TCF7L1: variants seen among roughly 807,000 people sequenced by gnomAD.
TCF7L1 encodes the protein transcription factor 7 like 1, also known as transcription factor 7-like 1.
A neutral mutation model predicts 63.7 loss-of-function variants in TCF7L1; 18 were observed. That is an observed-to-expected ratio of 0.28 (90% confidence interval 0.20 to 0.42). The LOEUF (loss-of-function observed/expected upper bound fraction) is 0.42, where lower values mean the gene tolerates loss of function less well. TCF7L1 is among the 10% of genes least tolerant of loss of function. The probability of loss-of-function intolerance (pLI) is 1.00; values close to 1 mark genes in which losing one functional copy is unlikely to be tolerated. For missense variants in TCF7L1, 654 were observed against 779.3 expected (o/e 0.84, Z 1.91); for synonymous variants, 355 against 340.9 (o/e 1.04, Z -0.46).
chr2:85,285,244 A>C (rs561821306), intron 4 of TCF7L1, among the ~76,000 whole-genome samples: 6 of 152,236 alleles, frequency 3.9e-5, no homozygotes, highest in East Asian at 3.9e-4. Flanking sequence ...AAAAAAAAAA[A>C]CTGATAATTC....
intron 3 of TCF7L1, among the ~76,000 whole-genome samples, chr2:85,199,478 C>G (rs1679226128): frequency 6.6e-6 from 1 of 152,144 alleles, no homozygotes; most frequent in Non-Finnish European, 1.5e-5. Context: ...AGCTCAAATT[C>G]TAGGGCAGTG....
rs112652021 is a variant in TCF7L1, at chr2:85,218,548, G to T, written c.442-64947G>T. On this transcript the variant is annotated intron_variant, in intron 3 of 11. Coordinates refer to ENST00000282111, the MANE Select transcript of TCF7L1 (RefSeq NM_031283.3). ...TGGGATTACAGGCGTGAGCTACCAC[G>T]CCCAGCGTTATCTGACTTCTAGTGG... is the stretch of plus-strand genomic sequence containing the variant. 3.9e-3 allele frequency among the ~76,000 whole-genome samples: 595 copies of T among 151,674 alleles called. 4 individuals are homozygous for T. Among genetic ancestry groups the T allele is most frequent in the African/African-American group, 0.013 (544 of 41,412 alleles).
Position 85,307,949 on chromosome 2 carries a change from C to T in TCF7L1, c.1333+232C>T, listed in dbSNP as rs1410734438. 2.0e-5 allele frequency among the ~76,000 whole-genome samples: 3 copies of T among 152,192 alleles called. No homozygotes were observed. In the East Asian group the frequency reaches 5.8e-4, roughly 29 times the overall value. The stretch of plus-strand genomic sequence containing the variant: ...AGGATTTGATCCCAGGACTTTGTCA[C>T]TTCAAAGCCTAGACAATCTAATTCC... On this transcript the variant is annotated intron_variant, in intron 11 of 11. Transcript: ENST00000282111.
chr2:85,230,909 T>C (rs1175698307), intron 3 of TCF7L1, among the ~76,000 whole-genome samples: 1 of 152,200 alleles, frequency 6.6e-6, no homozygotes, highest in Admixed American at 6.5e-5. Flanking sequence ...GCTGTTAGTT[T>C]TCCATAAAGG....
At chr2:85,138,446 G>A (rs62162825) in intron 3 of TCF7L1, among the ~76,000 whole-genome samples, 11,628 of 152,146 alleles carry the variant, frequency 0.076, 515 homozygotes, top group Middle Eastern at 0.12. Flanking sequence ...GTATAAACAT[G>A]CTGCTTTTGG....
In TCF7L1 at chr2:85,297,768, A is replaced by C. The variant is rs1193426453; in HGVS notation, c.526-4716A>C. Among the ~76,000 whole-genome samples, 4 of 151,784 alleles carry C rather than the reference A, an allele frequency of 2.6e-5. No individual in the cohort carries two copies. In the East Asian group the frequency reaches 7.8e-4, roughly 29 times the overall value. Reference sequence around the variant, plus strand: ...CCACTACACTCCAGCCTGGGGGGACACAGTGAGACTGTGTCTCCAAAAAAA... The same window carrying C: ...CCACTACACTCCAGCCTGGGGGGACCCAGTGAGACTGTGTCTCCAAAAAAA... On this transcript the variant is annotated intron_variant, in intron 4 of 11. Transcript: ENST00000282111.
chr2:85,162,237 C>CA (rs892345274), intron 3 of TCF7L1, among the ~76,000 whole-genome samples: 5 of 151,346 alleles, frequency 3.3e-5, no homozygotes, highest in African/African-American at 1.2e-4. Flanking sequence ...CCTTCTCTCT[C>CA]AAAAAAAATA....
chr2:85,153,340 A>ATGTTTTTTTTGTTTTTTTT (rs750002994), intron 3 of TCF7L1, among the ~76,000 whole-genome samples: 1 of 102,308 alleles, frequency 9.8e-6, no homozygotes, highest in Non-Finnish European at 1.8e-5. Context: ...GCCTTTATAA[A>ATGTTTTTTTTGTTTTTTTT]TTTTTTTTTT....
intron 3 of TCF7L1, among the ~76,000 whole-genome samples, chr2:85,147,422 T>C (rs1289132778): frequency 1.3e-5 from 2 of 152,156 alleles, no homozygotes; most frequent in African/African-American, 4.8e-5. Context: ...CACGTGATGC[T>C]GTGGGAACCC....
In TCF7L1 at chr2:85,307,530, G is replaced by A. The variant is rs992138080; in HGVS notation, c.1258-112G>A. On this transcript the variant is annotated intron_variant, in intron 10 of 11. Transcript: ENST00000282111. ...AATTATCTCTCCACACTCTCCCTGA[G>A]GGATCGAGAGCAGTAAAGGGCAACG... The A allele has an allele frequency of 3.6e-6, 3 of 830,252 alleles. No homozygotes were observed. The African/African-American group carries it at 5.1e-5, about 14-fold the overall frequency. 51.4% of individuals were successfully genotyped at this position (830,252 alleles called of 1,614,324 possible).
At chr2:85,142,444 G>C (rs1172597919) in intron 3 of TCF7L1, among the ~76,000 whole-genome samples, 1 of 12,978 alleles carries the variant, frequency 7.7e-5, no homozygotes, top group East Asian at 9.1e-3. Context: ...GTGTGTGTGT[G>C]TGTGTGTGTG....
At chr2:85,235,657 C>T (rs1163695012) in intron 3 of TCF7L1, among the ~76,000 whole-genome samples, 1 of 152,076 alleles carries the variant, frequency 6.6e-6, no homozygotes, top group Non-Finnish European at 1.5e-5. Context: ...CTAGCCAAGG[C>T]ATTAGGATCT....
rs530081161 is a variant in TCF7L1 at position 85,306,832 on chromosome 2, T to C, written c.1257+273T>C. Among the ~76,000 whole-genome samples, 22 of 151,972 alleles carry C rather than the reference T, an allele frequency of 1.4e-4. No homozygotes were observed. In the South Asian group the frequency reaches 4.6e-3, roughly 32 times the overall value. ...GGCACCTGCCACCACACCCGGCTAA[T>C]TTTTTGTATTTTTAGTAGAGACGGG... On this transcript the variant is annotated intron_variant, in intron 10 of 11. Transcript: ENST00000282111. This position sits in a 1 kb window ranked among gnomAD's most constrained non-coding sequence, Gnocchi z 4.3.
At chr2:85,190,087 G>A (rs1170828631) in intron 3 of TCF7L1, among the ~76,000 whole-genome samples, 2 of 152,344 alleles carry the variant, frequency 1.3e-5, no homozygotes, top group East Asian at 3.9e-4. Flanking sequence ...CTTAAGGGTA[G>A]AGACCTTGTC....
chr2:85,273,017 G>T (rs1204357635), intron 3 of TCF7L1, among the ~76,000 whole-genome samples: 1 of 152,202 alleles, frequency 6.6e-6, no homozygotes, highest in Non-Finnish European at 1.5e-5. Flanking sequence ...GAGTGGAACA[G>T]AAGCCAGCCT....
At chr2:85,184,346 C>G (rs1344396442) in intron 3 of TCF7L1, among the ~76,000 whole-genome samples, 1 of 152,074 alleles carries the variant, frequency 6.6e-6, no homozygotes, top group Non-Finnish European at 1.5e-5. Flanking sequence ...AGAGCTGGGG[C>G]TGGCAGGGGA....
chr2:85,172,460 T>A (rs1373545234), intron 3 of TCF7L1, among the ~76,000 whole-genome samples: 1 of 152,232 alleles, frequency 6.6e-6, no homozygotes, highest in Non-Finnish European at 1.5e-5. Context: ...ACAGTCTCGC[T>A]CTGTCGCCCA....
Position 85,212,446 on chromosome 2 carries a change from A to G in TCF7L1, c.442-71049A>G, listed in dbSNP as rs566737167. Among the ~76,000 whole-genome samples the G allele has an allele frequency of 9.2e-5, 14 of 152,352 alleles. No homozygotes were observed. The South Asian group carries it at 2.5e-3, about 27-fold the overall frequency. ...AATTATTATTGTGGCTGCTGTTATT[A>G]TCTTGACTCCTCTATGCCCAACCCT... On this transcript the variant is annotated intron_variant, in intron 3 of 11. Transcript: ENST00000282111.
intron 3 of TCF7L1, among the ~76,000 whole-genome samples, chr2:85,264,223 C>G (rs902285029): frequency 2.6e-5 from 4 of 152,206 alleles, no homozygotes; most frequent in African/African-American, 9.6e-5. Flanking sequence ...TGAACCATGA[C>G]TTGGAGTTTA....
Sources: gnomAD v4.1 joint callset for allele counts (sites outside exome capture counted in the v4.1 genomes callset) on GRCh38, gnomAD v4.1.1 for gene constraint, Gnocchi (gnomAD v3.1) non-coding constraint, MANE v1.5 for transcripts, NCBI Gene and HGNC (gene_info 2026-07-23, HGNC 2026-07-21) for gene names.